Variants in EFCAB6 observed in about 807,000 individuals in gnomAD.
EFCAB6 encodes EF-hand calcium-binding domain-containing protein 6.
In EFCAB6, 156 loss-of-function variants were observed where a neutral mutation model predicts 169.8. That is an observed-to-expected ratio of 0.92 (90% CI 0.81 to 1.05). The LOEUF (loss-of-function observed/expected upper bound fraction) is 1.05. Among genes scored for constraint, EFCAB6 ranks in the 50% least tolerant of loss-of-function variants. The pLI is 0.00. For missense variants in EFCAB6, 1,800 were observed against 1,829.1 expected, an observed-to-expected ratio of 0.98 and a Z score of 0.29; for synonymous variants, 698 against 676.4, an observed-to-expected ratio of 1.03 and a Z score of -0.50.
intron 13 of EFCAB6, among the ~76,000 whole-genome samples, chr22:43,675,111 C>A (rs988041630): frequency 6.7e-6 from 1 of 149,574 alleles, no homozygotes; most frequent in Non-Finnish European, 1.5e-5. Context: ...GATCACAAGG[C>A]CTTAAGAATG....
intron 27 of EFCAB6, among the ~76,000 whole-genome samples, chr22:43,540,918 T>C (rs2047677615): frequency 6.6e-6 from 1 of 152,196 alleles, no homozygotes; most frequent in Non-Finnish European, 1.5e-5. Flanking sequence ...TGGCTTTGTA[T>C]TTTTGCTGTC....
chr22:43,637,465 C>T (rs1230368434), intron 17 of EFCAB6, among the ~76,000 whole-genome samples: 3 of 152,232 alleles, frequency 2.0e-5, no homozygotes, highest in East Asian at 1.9e-4. Context: ...TGAAAGTGTG[C>T]GCTGTATCTA....
chr22:43,530,645 G>A (rs568060119), intron 31 of EFCAB6, 170 bp downstream of exon 31: 66 of 985,440 alleles, frequency 6.7e-5, no homozygotes, highest in Non-Finnish European at 7.5e-5. Flanking sequence ...AAGGTGAGGC[G>A]AGTGGACCCA....
At chr22:43,681,637 T>G (rs1018974698) in intron 12 of EFCAB6, among the ~76,000 whole-genome samples, 1 of 152,230 alleles carries the variant, frequency 6.6e-6, no homozygotes, top group Non-Finnish European at 1.5e-5. Context: ...AATAATATTT[T>G]AAAAATTCAT....
intron 8 of EFCAB6, among the ~76,000 whole-genome samples, chr22:43,728,906 AG>A (rs1321396757): frequency 6.6e-6 from 1 of 152,208 alleles, no homozygotes; most frequent in East Asian, 1.9e-4. Flanking sequence ...GAAGCTCTTT[AG>A]TTTAATTAGA....
At chr22:43,729,239 C>G (rs1055705315) in intron 8 of EFCAB6, among the ~76,000 whole-genome samples, 2 of 152,198 alleles carry the variant, frequency 1.3e-5, no homozygotes, top group Non-Finnish European at 2.9e-5. Flanking sequence ...TAGGTCCAAC[C>G]TCCAACACTG....
chr22:43,571,792 G>C (rs752864126), intron 26 of EFCAB6, among the ~76,000 whole-genome samples: 1 of 152,148 alleles, frequency 6.6e-6, no homozygotes, highest in Non-Finnish European at 1.5e-5. Context: ...ACTACGACCA[G>C]AACTGCTTGC....
intron 27 of EFCAB6, chr22:43,551,712 T>C (rs531068639): frequency 6.6e-6 from 1 of 152,290 alleles, no homozygotes; most frequent in Non-Finnish European, 1.5e-5. Context: ...CATGTGTTCA[T>C]GTGTTCTCAT....
intron 20 of EFCAB6, among the ~76,000 whole-genome samples, chr22:43,622,553 C>T (rs777802468): frequency 2.8e-4 from 43 of 152,144 alleles, no homozygotes; most frequent in Non-Finnish European, 4.7e-4. Context: ...GTGACAAGAG[C>T]GAAACTCCAT....
Position 43,735,940 on chromosome 22 carries a change from G to A in EFCAB6, c.561C>T (p.Asn187=). Residue 187 remains asparagine, a synonymous_variant, in exon 7 of 32, where the codon AAC becomes AAT. Transcript: ENST00000262726. The stretch of plus-strand genomic sequence containing the variant: ...CCTGCGGTCGAACCAGTCCAGTCTT[G>A]TTAACATCAATGAGCTCAAAGGCTT... ...VMKAFELIDV[N]KTGLVRPQEL... 3.7e-6 allele frequency: 6 copies of A among 1,614,110 alleles called. No homozygotes were observed. The highest frequency in any genetic ancestry group is 5.1e-6 in the Non-Finnish European group (6 of 1,180,024).
intron 24 of EFCAB6, among the ~76,000 whole-genome samples, chr22:43,587,137 T>G (rs1399973601): frequency 1.3e-5 from 2 of 152,120 alleles, no homozygotes; most frequent in African/African-American, 4.8e-5. Flanking sequence ...ATTAAAAGAC[T>G]GGGAAGCAAG....
chr22:43,561,710 G>A (rs1320979916), intron 26 of EFCAB6, among the ~76,000 whole-genome samples: 2 of 152,220 alleles, frequency 1.3e-5, no homozygotes, highest in Non-Finnish European at 2.9e-5. Context: ...CGCCAGAGAG[G>A]AACAGATGGC....
intron 8 of EFCAB6, among the ~76,000 whole-genome samples, chr22:43,730,195 GA>G (rs1243402182): frequency 5.1e-5 from 1 of 19,428 alleles, no homozygotes; most frequent in Admixed American, 6.8e-4. Flanking sequence ...AAATAAGAAA[GA>G]AAAAAGAGAG....
chr22:43,799,652 C>T (rs1192065641), intron 2 of EFCAB6, among the ~76,000 whole-genome samples: 1 of 152,122 alleles, frequency 6.6e-6, no homozygotes, highest in Non-Finnish European at 1.5e-5. Flanking sequence ...TAAAAACATG[C>T]AATAGTCCAG....
chr22:43,628,138 T>G lies in EFCAB6; in HGVS notation c.2233-1459A>C, dbSNP rs1175671678. 6.6e-6 allele frequency among the ~76,000 whole-genome samples: 1 copy of G among 152,066 alleles called. No individual in the cohort carries two copies. Among genetic ancestry groups the G allele is most frequent in the East Asian group, 1.9e-4 (1 of 5,174 alleles). On this transcript the variant is annotated intron_variant, in intron 19 of 31. Transcript: ENST00000262726. This position sits in a 1 kb window ranked among gnomAD's most constrained non-coding sequence, Gnocchi z 4.8. Reference sequence around the variant, plus strand: ...TGGTCTGGGGGCATTTTCTCTGGGATGTCAAACTGAACATGGCCCAAATCA... The same window carrying G: ...TGGTCTGGGGGCATTTTCTCTGGGAGGTCAAACTGAACATGGCCCAAATCA...
At chr22:43,653,068 T>TA (rs1182055173) in intron 17 of EFCAB6, among the ~76,000 whole-genome samples, 1 of 151,954 alleles carries the variant, frequency 6.6e-6, no homozygotes, top group Non-Finnish European at 1.5e-5. Context: ...AGCAAAAAGA[T>TA]AGAAACTACA....
Position 43,537,662 on chromosome 22 carries a change from G to A in EFCAB6, c.3880-117C>T. On this transcript the variant is annotated intron_variant, in intron 28 of 31. Transcript: ENST00000262726. The surrounding 1 kb of genome is among the most constrained non-coding windows in gnomAD (Gnocchi z 4.3). ...CAATTTTAGAGGCAGAATTAGCCCA[G>A]AAATAAAATGAAGAATAAAACATAG... 1 of 1,169,166 alleles carries A rather than the reference G, an allele frequency of 8.6e-7. No homozygotes were observed. The highest frequency in any genetic ancestry group is 2.6e-5 in the East Asian group (1 of 38,494). 72.4% of individuals were successfully genotyped at this position (1,169,166 alleles called of 1,614,324 possible).
chr22:43,625,797 A>T (rs150033442), intron 20 of EFCAB6, among the ~76,000 whole-genome samples: 2 of 152,366 alleles, frequency 1.3e-5, no homozygotes, highest in Admixed American at 6.5e-5. Context: ...ACCTAGCTTA[A>T]CATTTGGAGG....
At chr22:43,718,559 G>A (rs1395565942) in intron 8 of EFCAB6, among the ~76,000 whole-genome samples, 2 of 152,192 alleles carry the variant, frequency 1.3e-5, no homozygotes, top group African/African-American at 2.4e-5. Context: ...AAGACGGGCA[G>A]ATCACCTGAG....
Sources: allele counts gnomAD v4.1 joint callset (sites outside exome capture counted in the v4.1 genomes callset), GRCh38; gene constraint gnomAD v4.1.1; non-coding constraint Gnocchi (gnomAD v3.1); transcripts MANE v1.5; gene names NCBI Gene and HGNC (gene_info 2026-07-23, HGNC 2026-07-21).